AP3B2: variants seen among roughly 807,000 people sequenced by gnomAD.
The protein encoded by AP3B2 is AP-3 complex subunit beta-2.
AP3B2 carries 50 observed loss-of-function variants against 126.9 expected under a neutral mutation model. The ratio of observed to expected loss-of-function variants is 0.39; its 90% confidence interval spans 0.31 to 0.50. AP3B2 has a LOEUF of 0.50. AP3B2 is among the 20% of genes least tolerant of loss of function. The pLI is 0.79. For synonymous variants in AP3B2, 541 were observed against 565.0 expected (o/e 0.96, Z 0.60); for missense variants, 1,177 against 1,426.4 (o/e 0.83, Z 2.82).
chr15:82,692,132 C>T, intron 1 of AP3B2: 1 of 1,494,846 alleles, frequency 6.7e-7, no homozygotes, highest in Non-Finnish European at 9.2e-7. Flanking sequence ...TGGAGAACTC[C>T]ACACGAAGCC....
chr15:82,663,717 G>T, intron 20 of AP3B2, 84 bp downstream of exon 20: 1 of 1,601,032 alleles, frequency 6.2e-7, no homozygotes. Context: ...TGGATGGTAG[G>T]GAGATAGATG....
At chr15:82,707,769 C>T (rs904397222) in intron 1 of AP3B2, among the ~76,000 whole-genome samples, 1 of 152,268 alleles carries the variant, frequency 6.6e-6, no homozygotes, top group South Asian at 2.1e-4. Context: ...AAACCGTATC[C>T]AGGCCATCAC....
rs774348949 is a variant in AP3B2 at position 82,677,771 on chromosome 15, C to T, written c.1278G>A (p.Val426=). 3.7e-6 allele frequency: 6 copies of T among 1,612,200 alleles called. No individual in the cohort carries two copies. The highest frequency in any genetic ancestry group is 4.2e-6 in the Non-Finnish European group (5 of 1,178,764). The change falls in exon 12 of 27, where the codon GTG becomes GTA. Residue 426 remains valine (V), a synonymous_variant. Transcript: ENST00000535359. ...TYIRSMDKDF[V]AATIQAIGRC... ...GTCCAATGGCCTGGATTGTGGCTGC[C>T]ACAAAGTCCTTGTCCATGCTGCGAA... is the stretch of plus-strand genomic sequence containing the variant.
At chr15:82,662,422 A>C (rs1392528651) in intron 23 of AP3B2, 170 bp from the exon 24 acceptor site, 3 of 662,354 alleles carry the variant, frequency 4.5e-6, no homozygotes, top group East Asian at 2.7e-5. Flanking sequence ...CCTGAACTCT[A>C]AGCACCCTTT....
At chr15:82,693,203 C>T (rs1395522529) in intron 1 of AP3B2, among the ~76,000 whole-genome samples, 1 of 134,884 alleles carries the variant, frequency 7.4e-6, no homozygotes. Context: ...CACCCCCCCG[C>T]CCCCGCCCCA....
In AP3B2 at chr15:82,662,223, C is replaced by A; in HGVS notation, c.2863G>T (p.Ala955Ser). The change falls in exon 24 of 27, where the codon GCT (alanine) becomes TCT (serine). Residue 955 changes from alanine to serine, a missense_variant. Around this residue, in one of 5 missense-constraint regions of AP3B2, gnomAD observed 587 missense variants for 571.3 expected, o/e 1.03. Coordinates refer to ENST00000535359, the MANE Select transcript of AP3B2 (RefSeq NM_001278512.2). ...TCACAGAAATTAATGCCCATTACAG[C>A]AGTGGCAGATTCTCCAGGTGCCAGG... is the stretch of plus-strand genomic sequence containing the variant. ...ESLAPGESAT[A>S]VMGINFCDST... is the part of the protein sequence containing the mutation. 6.2e-7 allele frequency: 1 copy of A among 1,602,126 alleles called. No homozygotes were observed. Among genetic ancestry groups the A allele is most frequent in the Admixed American group, 1.7e-5 (1 of 58,550 alleles).
intron 3 of AP3B2, 59 bp from the exon 4 acceptor site, chr15:82,688,890 C>T (rs1300685482): frequency 1.4e-6 from 2 of 1,479,198 alleles, no homozygotes; most frequent in Non-Finnish European, 1.8e-6. Context: ...TGCCCACCCC[C>T]CTACCCCTGG....
intron 23 of AP3B2, 120 bp downstream of exon 23, chr15:82,662,574 G>T: frequency 1.1e-6 from 1 of 917,304 alleles, no homozygotes. Context: ...CATGTTAGAT[G>T]CTATCTCTGT....
chr15:82,663,213 G>C lies in AP3B2; in HGVS notation c.2518C>G (p.Pro840Ala). The C allele has an allele frequency of 1.2e-6, 2 of 1,613,054 alleles. No homozygotes were observed. Among genetic ancestry groups the C allele is most frequent in the Admixed American group, 1.7e-5 (1 of 59,976 alleles). Residue 840 changes from proline to alanine, a missense_variant, in exon 22 of 27, where the codon CCT (proline) becomes GCT (alanine). Pro to Ala is a conservative substitution (Grantham distance 27). This residue lies in a region of AP3B2 where 587 missense variants were observed against 571.3 expected (regional missense o/e 1.03). Coordinates refer to ENST00000535359, the MANE Select transcript of AP3B2 (RefSeq NM_001278512.2). ...GACACAATTGCTGGGGGAGACACAG[G>C]CTGGACACTGGGAGGGGTGACTGTG... ...LEDFTPPSVQ[P>A]VSPPAIVSTS...
At chr15:82,704,018 C>G (rs2048759454) in intron 1 of AP3B2, among the ~76,000 whole-genome samples, 1 of 152,172 alleles carries the variant, frequency 6.6e-6, no homozygotes, top group Non-Finnish European at 1.5e-5. Context: ...CTGCGACTAG[C>G]CCTCCCCAAC....
intron 15 of AP3B2, 44 bp downstream of exon 15, chr15:82,666,703 C>T (rs751372170): frequency 1.9e-6 from 3 of 1,589,890 alleles, no homozygotes; most frequent in Admixed American, 1.7e-5. Flanking sequence ...TGGCCAGTTC[C>T]TTTCCATTCC....
chr15:82,678,372 A>G (rs898881000), intron 10 of AP3B2, among the ~76,000 whole-genome samples: 2 of 152,222 alleles, frequency 1.3e-5, no homozygotes, highest in Admixed American at 1.3e-4. Context: ...TTCCCTACAC[A>G]GTATGCTTAC....
intron 14 of AP3B2, among the ~76,000 whole-genome samples, chr15:82,669,122 T>C (rs1004367446): frequency 2.6e-5 from 4 of 152,186 alleles, no homozygotes; most frequent in Admixed American, 1.3e-4. Context: ...GGGCAAAACC[T>C]GAGACTTGCT....
Position 82,666,933 on chromosome 15 carries a change from T to C in AP3B2, c.1666A>G (p.Thr556Ala). The C allele has an allele frequency of 6.2e-7, 1 of 1,607,244 alleles. No individual in the cohort carries two copies. The highest frequency in any genetic ancestry group is 8.5e-7 in the Non-Finnish European group (1 of 1,174,586). ...AGCACATACTGGGTCAGCAGCTTGG[T>C]CTGGAGGAACAGGAAGAGGTGGGTC... ...AKLYLTNSKQ[T>A]KLLTQYVLSL... The change falls in exon 15 of 27, where the codon ACC (threonine) becomes GCC (alanine). Residue 556 changes from threonine (T) to alanine (A), a missense_variant and splice_region_variant. This residue lies in a region of AP3B2 where 308 missense variants were observed against 452.4 expected (regional missense o/e 0.68). Transcript: ENST00000535359.
intron 11 of AP3B2, 114 bp downstream of exon 11, chr15:82,677,991 T>G: frequency 7.2e-7 from 1 of 1,397,090 alleles, no homozygotes; most frequent in Non-Finnish European, 9.8e-7. Flanking sequence ...GGAACGGGAA[T>G]GTAAGATAAT....
In AP3B2 at chr15:82,681,180, T is replaced by G. The variant is rs1416750237; in HGVS notation, c.522-2A>C. 6.2e-7 allele frequency: 1 copy of G among 1,610,368 alleles called. No homozygotes were observed. Among genetic ancestry groups the G allele is most frequent in the Non-Finnish European group, 8.5e-7 (1 of 1,178,390 alleles). On this transcript the variant is annotated splice_acceptor_variant, in intron 5 of 26. Transcript: ENST00000535359. LOFTEE classifies it high-confidence loss of function. This position sits in a 1 kb window ranked among gnomAD's most constrained non-coding sequence, Gnocchi z 4.0. ...TGATCCTTCTGGTCAGAGTCCAAAC[T>G]GAGGGAGAAATCGGTGAGGGGAATT...
rs769028602 is a variant in AP3B2, at chr15:82,682,047, C to CTTTTTTTTTTTT, written c.361-479_361-468dup. On this transcript the variant is annotated intron_variant, in intron 4 of 26. Coordinates refer to ENST00000535359, the MANE Select transcript of AP3B2 (RefSeq NM_001278512.2). ...AACAAAATAGGGGTGTAGGCCCTTC[C>CTTTTTTTTTTTT]TTTTTTTTTTTTTTTTTTTTTTTGA... is the stretch of plus-strand genomic sequence containing the variant. Among the ~76,000 whole-genome samples the CTTTTTTTTTTTT allele has an allele frequency of 7.5e-5, 6 of 79,926 alleles. 1 individual carries two copies. The highest frequency in any genetic ancestry group is 2.2e-4 in the African/African-American group (4 of 18,200). The allele number at this position is 79,926 out of a possible 152,430, so 52.4% of individuals were successfully genotyped here.
At chr15:82,662,625 T>C in intron 23 of AP3B2, 69 bp downstream of exon 23, 1 of 1,443,722 alleles carries the variant, frequency 6.9e-7, no homozygotes, top group Non-Finnish European at 9.5e-7. Context: ...AAGGAGGGTA[T>C]CAGCAACCAC....
Position 82,700,687 on chromosome 15 carries a change from C to T in AP3B2, c.113+8907G>A, listed in dbSNP as rs370788173. 7.9e-4 allele frequency among the ~76,000 whole-genome samples: 120 copies of T among 151,828 alleles called. 1 individual carries two copies. Among genetic ancestry groups the T allele is most frequent in the South Asian group, 4.0e-3 (19 of 4,796 alleles). ...GTGCTAGGATTACAGGCGTGAGCCA[C>T]CGCGCCTGGCCTGGTTGGCTTTCTT... On this transcript the variant is annotated intron_variant, in intron 1 of 26. Coordinates refer to ENST00000535359, the MANE Select transcript of AP3B2 (RefSeq NM_001278512.2).
Sources: allele counts gnomAD v4.1 joint callset (sites outside exome capture counted in the v4.1 genomes callset), GRCh38; gene constraint gnomAD v4.1.1; regional missense constraint gnomAD v4.1.1; non-coding constraint Gnocchi (gnomAD v3.1); transcripts MANE v1.5; gene names NCBI Gene and HGNC (gene_info 2026-07-23, HGNC 2026-07-21).